FRMD5: variants seen among roughly 807,000 people sequenced by gnomAD.
FRMD5 encodes the protein FERM domain-containing protein 5.
Under a neutral mutation model 69.0 loss-of-function variants are expected in FRMD5, and 20 were observed. The ratio of observed to expected loss-of-function variants is 0.29; its 90% confidence interval spans 0.20 to 0.42. FRMD5 has a LOEUF of 0.42. FRMD5 is among the 10% of genes least tolerant of loss of function. The pLI is 1.00. For missense variants in FRMD5, 595 were observed against 708.6 expected (o/e 0.84, Z 1.82); for synonymous variants, 271 against 260.1 (o/e 1.04, Z -0.40).
intron 1 of FRMD5, among the ~76,000 whole-genome samples, chr15:44,043,612 A>G (rs1265600004): frequency 6.6e-6 from 1 of 152,228 alleles, no homozygotes; most frequent in Non-Finnish European, 1.5e-5. Flanking sequence ...GGCCTCAGAA[A>G]TAACACCACA....
At chr15:44,015,621 A>G (rs1890922147) in intron 1 of FRMD5, among the ~76,000 whole-genome samples, 1 of 152,208 alleles carries the variant, frequency 6.6e-6, no homozygotes, top group Non-Finnish European at 1.5e-5. Flanking sequence ...TCTGTGTCCA[A>G]ACAAATGTCC....
chr15:44,114,053 T>A (rs919981453), intron 1 of FRMD5, among the ~76,000 whole-genome samples: 10 of 152,086 alleles, frequency 6.6e-5, no homozygotes, highest in African/African-American at 1.9e-4. Flanking sequence ...ACCATTTGAG[T>A]TCCTCTAGCC....
chr15:43,938,100 G>A (rs775194568), intron 1 of FRMD5, among the ~76,000 whole-genome samples: 2 of 151,722 alleles, frequency 1.3e-5, no homozygotes, highest in African/African-American at 4.8e-5. Flanking sequence ...GTGCGGTGGC[G>A]GGCGCTTGTA....
chr15:44,016,125 G>T (rs1890946355), intron 1 of FRMD5, among the ~76,000 whole-genome samples: 1 of 152,068 alleles, frequency 6.6e-6, no homozygotes, highest in African/African-American at 2.4e-5. Context: ...GAACCTCCTG[G>T]TTCTCTCATC....
chr15:44,172,861 T>C (rs997697356), intron 1 of FRMD5, among the ~76,000 whole-genome samples: 1 of 152,166 alleles, frequency 6.6e-6, no homozygotes, highest in African/African-American at 2.4e-5. Flanking sequence ...ACACTAAAAT[T>C]GACAACCTTA....
chr15:44,163,968 T>G (rs1371283329), intron 1 of FRMD5, among the ~76,000 whole-genome samples: 2 of 152,224 alleles, frequency 1.3e-5, no homozygotes, highest in African/African-American at 2.4e-5. Context: ...CTTTACATTC[T>G]CTGTCTCTGC....
At chr15:43,944,955 ATT>A (rs1456244772) in intron 1 of FRMD5, among the ~76,000 whole-genome samples, 4 of 138,908 alleles carry the variant, frequency 2.9e-5, no homozygotes, top group Non-Finnish European at 1.6e-5. Context: ...TTATTTATTT[ATT>A]TTTTTTTTTT....
At chr15:44,008,933 G>C (rs1163846139) in intron 1 of FRMD5, among the ~76,000 whole-genome samples, 1 of 152,180 alleles carries the variant, frequency 6.6e-6, no homozygotes, top group Admixed American at 6.5e-5. Context: ...GGCTGAGGCA[G>C]GAGAATGGCA....
intron 1 of FRMD5, among the ~76,000 whole-genome samples, chr15:44,053,992 G>C (rs1892769978): frequency 6.6e-6 from 1 of 152,220 alleles, no homozygotes; most frequent in African/African-American, 2.4e-5. Flanking sequence ...GTCATCACAT[G>C]TGTGAAAGCA....
intron 1 of FRMD5, among the ~76,000 whole-genome samples, chr15:44,112,612 G>A (rs919449748): frequency 2.0e-5 from 3 of 151,610 alleles, no homozygotes; most frequent in East Asian, 1.9e-4. Context: ...GACTACAGGC[G>A]CCCGCCACCA....
At chr15:43,932,376 CT>C (rs555683021) in intron 1 of FRMD5, among the ~76,000 whole-genome samples, 310 of 152,264 alleles carry the variant, frequency 2.0e-3, no homozygotes, top group Admixed American at 5.2e-3. Flanking sequence ...GCGTCTTCTT[CT>C]TACCCAAGGC....
intron 1 of FRMD5, among the ~76,000 whole-genome samples, chr15:43,928,535 C>A (rs1404807183): frequency 6.6e-6 from 1 of 152,208 alleles, no homozygotes; most frequent in Non-Finnish European, 1.5e-5. Context: ...CCCTACAAGC[C>A]AACGGCAGGG....
intron 1 of FRMD5, among the ~76,000 whole-genome samples, chr15:44,027,017 G>T (rs2140271317): frequency 6.6e-6 from 1 of 152,268 alleles, no homozygotes; most frequent in Admixed American, 6.5e-5. Flanking sequence ...AGAAGAATCT[G>T]TGGTGTTTGT....
intron 1 of FRMD5, chr15:44,064,015 G>T: frequency 4.5e-6 from 1 of 220,508 alleles, no homozygotes; most frequent in South Asian, 7.3e-5. Flanking sequence ...TGACAATTCT[G>T]GCATCATGGA....
intron 1 of FRMD5, among the ~76,000 whole-genome samples, chr15:44,018,242 A>G (rs1477112605): frequency 2.0e-5 from 3 of 152,234 alleles, no homozygotes; most frequent in Non-Finnish European, 4.4e-5. Flanking sequence ...ACGAAAGTTA[A>G]TATAAATGGA....
chr15:44,194,288 G>C (rs1191043744), intron 1 of FRMD5: 1 of 152,176 alleles, frequency 6.6e-6, no homozygotes, highest in Non-Finnish European at 1.5e-5. Flanking sequence ...GCCCCAAATC[G>C]CTGGGACTTG....
chr15:44,016,353 G>A (rs888992576), intron 1 of FRMD5, among the ~76,000 whole-genome samples: 1 of 152,152 alleles, frequency 6.6e-6, no homozygotes, highest in African/African-American at 2.4e-5. Context: ...TACGAATAAT[G>A]TATTTCTTCA....
At chr15:43,991,808 C>T (rs74499991) in intron 1 of FRMD5, among the ~76,000 whole-genome samples, 3 of 152,172 alleles carry the variant, frequency 2.0e-5, no homozygotes, top group Non-Finnish European at 4.4e-5. Flanking sequence ...ATTAGCTCTG[C>T]TAAACTCGAA....
intron 1 of FRMD5, among the ~76,000 whole-genome samples, chr15:44,121,992 A>C (rs920184609): frequency 6.6e-6 from 1 of 150,486 alleles, no homozygotes; most frequent in Admixed American, 6.6e-5. Context: ...GAGACTCAAA[A>C]AAAAAAAAAA....
Sources: allele counts gnomAD v4.1 joint callset (sites outside exome capture counted in the v4.1 genomes callset), GRCh38; gene constraint gnomAD v4.1.1; transcripts MANE v1.5; gene names NCBI Gene and HGNC (gene_info 2026-07-23, HGNC 2026-07-21).